SYCE2: variants seen among roughly 807,000 people sequenced by gnomAD.
The protein encoded by SYCE2 is synaptonemal complex central element protein 2, also known as central element synaptonemal complex 1.
In SYCE2, 3 loss-of-function variants were observed where a neutral mutation model predicts 27.9. That is an observed-to-expected ratio of 0.11 (90% CI 0.05 to 0.28). The LOEUF is 0.28. Ranked by LOEUF, SYCE2 falls within the 10% of genes least tolerant of loss-of-function variation. The pLI, the probability that SYCE2 is intolerant of heterozygous loss-of-function variation, is 1.00. For synonymous variants in SYCE2, 85 were observed against 100.7 expected, an observed-to-expected ratio of 0.84 and a Z score of 0.93; for missense variants, 207 against 263.5, an observed-to-expected ratio of 0.79 and a Z score of 1.48.
chr19:12,908,298 AAG>A (rs766379162), intron 2 of SYCE2, among the ~76,000 whole-genome samples: 12 of 113,532 alleles, frequency 1.1e-4, no homozygotes, highest in African/African-American at 3.0e-4. Context: ...TTTTTTTTTT[AAG>A]AGAGAGAGAG....
chr19:12,900,480 C>T lies in SYCE2; in HGVS notation c.475G>A (p.Asp159Asn), dbSNP rs1188166989. The change falls in exon 4 of 6, where the codon GAC becomes AAC. Residue 159 changes from aspartate (D) to asparagine (N), a missense_variant. Asp to Asn is a conservative substitution (Grantham distance 23, BLOSUM62 1). Coordinates refer to ENST00000293695, the MANE Select transcript of SYCE2 (RefSeq NM_001105578.2). ...CATACCTCAGGCTGGAGACACAGGT[C>T]TTTGTACACAGTCTCCACGCTGTGG... Reference protein sequence around the residue: ...VCHSVETVYKDLCLQPEQSLR... With the variant: ...VCHSVETVYKNLCLQPEQSLR... The T allele has an allele frequency of 6.2e-7, 1 of 1,613,858 alleles. No homozygotes were observed. Among genetic ancestry groups the T allele is most frequent in the South Asian group, 1.1e-5 (1 of 91,058 alleles).
chr19:12,905,348 T>C (rs1339362699), intron 2 of SYCE2, among the ~76,000 whole-genome samples: 1 of 152,308 alleles, frequency 6.6e-6, no homozygotes, highest in Admixed American at 6.5e-5. Flanking sequence ...TCTTTTTTTT[T>C]TGAGACGGAG....
intron 2 of SYCE2, among the ~76,000 whole-genome samples, chr19:12,911,321 C>A (rs1022630075): frequency 5.3e-5 from 8 of 152,170 alleles, no homozygotes; most frequent in Non-Finnish European, 1.0e-4. Context: ...TGTTTGTTAG[C>A]CTAAAACCAT....
At position 12,899,388 on chromosome 19, in the gene SYCE2, G is replaced by A. The variant is rs982376975; in HGVS notation, c.613-3C>T. The A allele has an allele frequency of 6.2e-7, 1 of 1,614,116 alleles. No homozygotes were observed. The highest frequency in any genetic ancestry group is 2.2e-5 in the East Asian group (1 of 44,882). ...GTCTGTACTTCTGAAGCAGTGGCCT[G>A]GGGATACATGAAAATTGATTTTAAA... On this transcript the variant is annotated splice_polypyrimidine_tract_variant and splice_region_variant and intron_variant, in intron 5 of 5. Coordinates refer to ENST00000293695, the MANE Select transcript of SYCE2 (RefSeq NM_001105578.2).
intron 5 of SYCE2, chr19:12,899,699 G>C: frequency 6.2e-7 from 1 of 1,612,160 alleles, no homozygotes; most frequent in Non-Finnish European, 8.5e-7. Context: ...CCCTTCTGAA[G>C]TCGTTCAGAT....
At chr19:12,918,705 G>A (rs1035228925) in intron 1 of SYCE2, among the ~76,000 whole-genome samples, 4 of 152,060 alleles carry the variant, frequency 2.6e-5, no homozygotes, top group Non-Finnish European at 4.4e-5. Flanking sequence ...TGTAATCCCA[G>A]CACTTTGGGA....
intron 2 of SYCE2, among the ~76,000 whole-genome samples, chr19:12,910,296 T>TA (rs981014812): frequency 2.6e-5 from 4 of 152,138 alleles, no homozygotes; most frequent in African/African-American, 9.7e-5. Flanking sequence ...AATTTTATGT[T>TA]AAAAAATTTT....
At chr19:12,899,963 C>T (rs749753298) in intron 5 of SYCE2, 41 bp downstream of exon 5, 2 of 1,612,180 alleles carry the variant, frequency 1.2e-6, no homozygotes, top group East Asian at 2.2e-5. Flanking sequence ...AAGACCTGCA[C>T]ATCTGACCCC....
At chr19:12,904,348 G>A (rs1281140540) in intron 3 of SYCE2, 144 bp downstream of exon 3, 5 of 932,704 alleles carry the variant, frequency 5.4e-6, no homozygotes, top group African/African-American at 1.7e-5. Context: ...TTATTGGGAC[G>A]TAGCCCCATC....
chr19:12,912,111 T>C (rs966663155), intron 2 of SYCE2, among the ~76,000 whole-genome samples: 1 of 151,206 alleles, frequency 6.6e-6, no homozygotes, highest in Non-Finnish European at 1.5e-5. Flanking sequence ...CTAACTTTTG[T>C]ATTTTTAGTA....
intron 2 of SYCE2, among the ~76,000 whole-genome samples, chr19:12,915,372 G>A (rs1225642962): frequency 2.6e-5 from 4 of 152,184 alleles, no homozygotes; most frequent in South Asian, 2.1e-4. Flanking sequence ...AGGCCGAGGC[G>A]GGCGGATCAT....
At chr19:12,914,200 C>G (rs888583489) in intron 2 of SYCE2, 1 of 152,220 alleles carries the variant, frequency 6.6e-6, no homozygotes, top group East Asian at 1.9e-4. Flanking sequence ...CACCACCTAC[C>G]GGAAACCACC....
At chr19:12,904,771 T>C (rs751823703) in intron 2 of SYCE2, 105 bp from the exon 3 acceptor site, 258 of 1,311,618 alleles carry the variant, frequency 2.0e-4, no homozygotes, top group Non-Finnish European at 2.4e-4. Context: ...TAGGCCGAGG[T>C]GGGCGGATCA....
Position 12,900,507 on chromosome 19 carries a change from A to G in SYCE2, c.448T>C (p.Cys150Arg). 6.2e-7 allele frequency: 1 copy of G among 1,614,098 alleles called. No homozygotes were observed. The highest frequency in any genetic ancestry group is 8.5e-7 in the Non-Finnish European group (1 of 1,180,040). Residue 150 changes from cysteine to arginine, a missense_variant, in exon 4 of 6, where the codon TGC becomes CGC. Cys to Arg is a radical substitution (Grantham distance 180, BLOSUM62 -3). Coordinates refer to ENST00000293695, the MANE Select transcript of SYCE2 (RefSeq NM_001105578.2). The part of the protein sequence containing the change: ...SHLETELKQV[C>R]HSVETVYKDL... ...TTGTACACAGTCTCCACGCTGTGGC[A>G]GACTTGTTTGAGCTCTGTCTCCAAA...
intron 2 of SYCE2, among the ~76,000 whole-genome samples, chr19:12,907,224 G>A (rs1332380634): frequency 3.3e-5 from 5 of 152,108 alleles, no homozygotes; most frequent in African/African-American, 9.7e-5. Flanking sequence ...TTCTCTTTAC[G>A]ACATGGGCTT....
rs1009601541 is a variant in SYCE2, at chr19:12,904,837, A to C, written c.132-171T>G. ...ACATGGTGAAACCTCGTCTCTAGTA[A>C]AAACAAAAAAACAAAAAATTAGCCA... On this transcript the variant is annotated intron_variant, in intron 2 of 5. Transcript: ENST00000293695. 4.8e-6 allele frequency: 3 copies of C among 630,874 alleles called. No homozygotes were observed. In the African/African-American group the frequency reaches 5.6e-5, roughly 12 times the overall value. 39.1% of individuals were successfully genotyped at this position (630,874 alleles called of 1,614,324 possible). A position where few individuals can be genotyped will look rare whatever the true frequency, so the allele number is the denominator to read the frequency against.
chr19:12,910,916 ATCCGCCCG>A (rs1260889526), intron 2 of SYCE2, among the ~76,000 whole-genome samples: 2 of 151,662 alleles, frequency 1.3e-5, no homozygotes, highest in Non-Finnish European at 2.9e-5. Flanking sequence ...TGACCTCATG[ATCCGCCCG>A]TCTCGGCCTC....
rs1370327949 is a variant in SYCE2, at chr19:12,899,853, T to C, written c.612+151A>G. 3.8e-6 allele frequency: 6 copies of C among 1,576,830 alleles called. No individual in the cohort carries two copies. In the African/African-American group the frequency reaches 5.4e-5, roughly 14 times the overall value. On this transcript the variant is annotated intron_variant, in intron 5 of 5. Transcript: ENST00000293695. ...TGGAAGCAACTCCGTCTGCTGCAGC[T>C]GACCCCCTCACACTGAGTTCACAGT...
At chr19:12,911,881 T>G (rs1262247246) in intron 2 of SYCE2, among the ~76,000 whole-genome samples, 4 of 147,790 alleles carry the variant, frequency 2.7e-5, no homozygotes, top group African/African-American at 7.5e-5. Context: ...GCCTCCCAAA[T>G]TGCTGGGATT....
Sources: gnomAD v4.1 joint callset for allele counts (sites outside exome capture counted in the v4.1 genomes callset) on GRCh38, gnomAD v4.1.1 for gene constraint, MANE v1.5 for transcripts, NCBI Gene and HGNC (gene_info 2026-07-23, HGNC 2026-07-21) for gene names.